The following SLC14A2 variants were observed in gnomAD, a reference collection of about 807,000 sequenced individuals.
The protein encoded by SLC14A2 is urea transporter 2.
A neutral mutation model predicts 104.6 loss-of-function variants in SLC14A2; 91 were observed. The ratio of observed to expected loss-of-function variants is 0.87; its 90% CI spans 0.73 to 1.04. The LOEUF (loss-of-function observed/expected upper bound fraction) is 1.04, where lower values mean the gene tolerates loss of function less well. Among genes scored for constraint, SLC14A2 ranks in the 50% least tolerant of loss-of-function variants. SLC14A2 has a pLI of 0.00. For synonymous variants in SLC14A2, 476 were observed against 466.4 expected, an observed-to-expected ratio of 1.02 and a Z score of -0.27; for missense variants, 1,189 against 1,156.0, an observed-to-expected ratio of 1.03 and a Z score of -0.41.
intron 2 of SLC14A2, among the ~76,000 whole-genome samples, chr18:45,544,825 T>A (rs888818400): frequency 8.0e-5 from 12 of 149,644 alleles, no homozygotes; most frequent in African/African-American, 3.0e-4. Flanking sequence ...GGAGTTTCAT[T>A]CTTGTTGCCC....
At chr18:45,239,368 C>A (rs1277194101) in intron 1 of SLC14A2, among the ~76,000 whole-genome samples, 3 of 152,168 alleles carry the variant, frequency 2.0e-5, no homozygotes, top group Non-Finnish European at 4.4e-5. Flanking sequence ...TGAATTTTCC[C>A]AGGGATGTTG....
chr18:45,566,511 GCTCGCACACACACA>G (rs2044268193), intron 2 of SLC14A2, among the ~76,000 whole-genome samples: 1 of 58,232 alleles, frequency 1.7e-5, no homozygotes, highest in Non-Finnish European at 4.2e-5. Context: ...ATGCGCTCAC[GCTCGCACACACACA>G]CACACACACA....
chr18:45,305,580 T>TGACCCA (rs1324810211), intron 1 of SLC14A2, among the ~76,000 whole-genome samples: 2 of 152,208 alleles, frequency 1.3e-5, no homozygotes, highest in Non-Finnish European at 2.9e-5. Flanking sequence ...CAGGTCTCCC[T>TGACCCA]GACCCACCAC....
chr18:45,530,735 C>T (rs1355052466), intron 2 of SLC14A2, among the ~76,000 whole-genome samples: 1 of 152,066 alleles, frequency 6.6e-6, no homozygotes, highest in Non-Finnish European at 1.5e-5. Context: ...TTTTAGGGTA[C>T]ATGTGCACAA....
intron 1 of SLC14A2, among the ~76,000 whole-genome samples, chr18:45,306,403 G>A (rs1397931007): frequency 6.6e-6 from 1 of 152,158 alleles, no homozygotes; most frequent in African/African-American, 2.4e-5. Context: ...GAGAGAAAAG[G>A]TCTGAGGGTG....
intron 1 of SLC14A2, among the ~76,000 whole-genome samples, chr18:45,277,792 A>G (rs536130848): frequency 3.3e-5 from 5 of 152,326 alleles, no homozygotes; most frequent in East Asian, 1.9e-4. Context: ...ACAGGATATG[A>G]TATACAAGAA....
intron 1 of SLC14A2, among the ~76,000 whole-genome samples, chr18:45,325,019 G>A (rs1046040826): frequency 6.6e-6 from 1 of 152,152 alleles, no homozygotes; most frequent in Admixed American, 6.5e-5. Flanking sequence ...GTGCTGTGCA[G>A]GGCTCATTAC....
chr18:45,610,855 T>G (rs2044960801), upstream of SLC14A2, among the ~76,000 whole-genome samples: 1 of 152,212 alleles, frequency 6.6e-6, no homozygotes, highest in South Asian at 2.1e-4. Flanking sequence ...CATCACCACC[T>G]ACTACCTGTC....
chr18:45,406,887 G>A (rs1015753015), intron 1 of SLC14A2, among the ~76,000 whole-genome samples: 6 of 151,930 alleles, frequency 3.9e-5, no homozygotes, highest in South Asian at 2.1e-4. Context: ...CAACCATAAC[G>A]TAAACAGATG....
chr18:45,276,590 A>AT (rs1327382412), intron 1 of SLC14A2, among the ~76,000 whole-genome samples: 1 of 152,220 alleles, frequency 6.6e-6, no homozygotes, highest in African/African-American at 2.4e-5. Context: ...ATGTGATTTA[A>AT]TTTTTTTAAG....
In SLC14A2 at chr18:45,656,893, C is replaced by G. The variant is rs147588842; in HGVS notation, c.1352-6892C>G. On this transcript the variant is annotated intron_variant, in intron 10 of 19. Transcript: ENST00000255226. ...AAGCATTTGCTGTGAGGATGAGTCT[C>G]GCTTCTTTCAAGGTAACAGTGACTC... Among the ~76,000 whole-genome samples, 1,241 of 152,300 alleles carry G rather than the reference C, an allele frequency of 8.1e-3. 9 individuals carry two copies. Among genetic ancestry groups the G allele is most frequent in the African/African-American group, 0.028 (1,180 of 41,570 alleles).
At chr18:45,346,780 G>A (rs1384187031) in intron 1 of SLC14A2, among the ~76,000 whole-genome samples, 2 of 151,772 alleles carry the variant, frequency 1.3e-5, no homozygotes, top group Non-Finnish European at 1.5e-5. Context: ...CAGCCAACAT[G>A]GTGAAACCCC....
At chr18:45,621,648 G>A (rs71358403) in intron 1 of SLC14A2, among the ~76,000 whole-genome samples, 14,063 of 152,212 alleles carry the variant, frequency 0.092, 849 homozygotes, top group South Asian at 0.18. Context: ...CACACACTGT[G>A]CTAGGAGCTG....
At chr18:45,672,441 A>G (rs1467565536) in intron 16 of SLC14A2, among the ~76,000 whole-genome samples, 2 of 152,020 alleles carry the variant, frequency 1.3e-5, no homozygotes, top group Non-Finnish European at 2.9e-5. Context: ...AGGCAAGAGA[A>G]TCTCTTGAAC....
chr18:45,549,670 C>T (rs547479842), intron 2 of SLC14A2, among the ~76,000 whole-genome samples: 8 of 152,302 alleles, frequency 5.3e-5, no homozygotes, highest in African/African-American at 1.9e-4. Flanking sequence ...ACCAAGGGAC[C>T]TAGTGAAGTT....
At chr18:45,438,287 G>T (rs1000156649) in intron 1 of SLC14A2, 3 of 152,132 alleles carry the variant, frequency 2.0e-5, no homozygotes, top group African/African-American at 7.2e-5. Context: ...AGGATGAGGG[G>T]GTAGGGTGGG....
intron 1 of SLC14A2, among the ~76,000 whole-genome samples, chr18:45,289,133 T>C (rs1353739169): frequency 2.6e-5 from 4 of 152,254 alleles, no homozygotes; most frequent in Non-Finnish European, 5.9e-5. Context: ...GGACGAGTGC[T>C]GGCAGGGGCT....
chr18:45,316,042 A>AGG (rs1167546865), intron 1 of SLC14A2, among the ~76,000 whole-genome samples: 2 of 152,160 alleles, frequency 1.3e-5, no homozygotes, highest in African/African-American at 4.8e-5. Flanking sequence ...TGGAAGAAGT[A>AGG]GGGGGCTATT....
At chr18:45,211,675 T>G (rs1037230083), upstream of SLC14A2, among the ~76,000 whole-genome samples, 1 of 152,224 alleles carries the variant, frequency 6.6e-6, no homozygotes, top group African/African-American at 2.4e-5. Flanking sequence ...TTGACTTTTA[T>G]TCAGCACTTA....
Sources: allele counts gnomAD v4.1 joint callset (sites outside exome capture counted in the v4.1 genomes callset), GRCh38; gene constraint gnomAD v4.1.1; transcripts MANE v1.5; gene names NCBI Gene and HGNC (gene_info 2026-07-23, HGNC 2026-07-21).